ADAMTS12: variants seen among roughly 807,000 people sequenced by gnomAD.
The protein encoded by ADAMTS12 is A disintegrin and metalloproteinase with thrombospondin motifs 12.
Under a neutral mutation model 167.8 loss-of-function variants are expected in ADAMTS12, and 118 were observed. The observed-to-expected ratio is 0.70, with a 90% CI of 0.61 to 0.82. The LOEUF is 0.82. ADAMTS12 is among the 40% of genes least tolerant of loss of function. ADAMTS12 has a pLI of 0.00. For missense variants in ADAMTS12, 1,916 were observed against 1,998.8 expected, an observed-to-expected ratio of 0.96 and a Z score of 0.79; for synonymous variants, 704 against 716.9, an observed-to-expected ratio of 0.98 and a Z score of 0.29.
At chr5:33,760,327 C>T (rs1364118751) in intron 2 of ADAMTS12, among the ~76,000 whole-genome samples, 1 of 150,126 alleles carries the variant, frequency 6.7e-6, no homozygotes. Context: ...ATTCAAGGTT[C>T]ACAATGTCTG....
intron 2 of ADAMTS12, among the ~76,000 whole-genome samples, chr5:33,838,457 C>A (rs1259505951): frequency 1.3e-5 from 2 of 152,106 alleles, no homozygotes; most frequent in Non-Finnish European, 2.9e-5. Flanking sequence ...CCGAAGAAGG[C>A]AGATCACTTG....
intron 2 of ADAMTS12, among the ~76,000 whole-genome samples, chr5:33,827,710 A>AATAG (rs60023282): frequency 0.13 from 12,942 of 98,822 alleles, 605 homozygotes; most frequent in Non-Finnish European, 0.18. Context: ...GAGAAAACAA[A>AATAG]ATAGATAGAT....
chr5:33,879,560 G>C (rs1262429685), intron 2 of ADAMTS12, among the ~76,000 whole-genome samples: 1 of 152,142 alleles, frequency 6.6e-6, no homozygotes, highest in Admixed American at 6.5e-5. Flanking sequence ...TGAAGCCCCT[G>C]ATGAGGCCCA....
At chr5:33,842,439 G>A (rs2111602061) in intron 2 of ADAMTS12, among the ~76,000 whole-genome samples, 1 of 152,292 alleles carries the variant, frequency 6.6e-6, no homozygotes, top group East Asian at 1.9e-4. Context: ...AATCCTCAAG[G>A]TTGCAGCTTT....
intron 2 of ADAMTS12, among the ~76,000 whole-genome samples, chr5:33,845,991 A>C (rs1748928424): frequency 6.6e-6 from 1 of 152,018 alleles, no homozygotes; most frequent in Non-Finnish European, 1.5e-5. Flanking sequence ...TTAAGGATCC[A>C]CTCCAATGAC....
At chr5:33,677,395 C>T (rs1039273406) in intron 5 of ADAMTS12, among the ~76,000 whole-genome samples, 1 of 152,128 alleles carries the variant, frequency 6.6e-6, no homozygotes, top group African/African-American at 2.4e-5. Context: ...AATGGAGACA[C>T]AGACAAGTTA....
intron 19 of ADAMTS12, among the ~76,000 whole-genome samples, chr5:33,572,229 T>A (rs1195834597): frequency 6.6e-6 from 1 of 151,974 alleles, no homozygotes; most frequent in Admixed American, 6.6e-5. Flanking sequence ...AAAGAGGGAA[T>A]CCTCCCTAAC....
chr5:33,743,302 G>A (rs567482319), intron 3 of ADAMTS12, among the ~76,000 whole-genome samples: 5 of 152,320 alleles, frequency 3.3e-5, no homozygotes, highest in African/African-American at 4.8e-5. Context: ...AGCACTATTC[G>A]AAATGAGACT....
At chr5:33,832,971 C>T (rs984389411) in intron 2 of ADAMTS12, among the ~76,000 whole-genome samples, 14 of 152,300 alleles carry the variant, frequency 9.2e-5, no homozygotes, top group Non-Finnish European at 1.9e-4. Flanking sequence ...TCAATATCAT[C>T]TCTCTTGTTC....
intron 22 of ADAMTS12, among the ~76,000 whole-genome samples, chr5:33,544,941 T>C (rs1233076479): frequency 6.6e-6 from 1 of 152,150 alleles, no homozygotes; most frequent in Non-Finnish European, 1.5e-5. Context: ...ATTCAGGACA[T>C]AGGCATGGGC....
At chr5:33,612,430 G>A (rs76844553) in intron 16 of ADAMTS12, among the ~76,000 whole-genome samples, 3,240 of 152,322 alleles carry the variant, frequency 0.021, 47 homozygotes, top group African/African-American at 0.05. Flanking sequence ...GAAATATTGT[G>A]TGTGTGATGC....
At chr5:33,834,453 C>A (rs1375440361) in intron 2 of ADAMTS12, among the ~76,000 whole-genome samples, 1 of 152,154 alleles carries the variant, frequency 6.6e-6, no homozygotes, top group Non-Finnish European at 1.5e-5. Flanking sequence ...TTTTAGCATT[C>A]TTGAGGGTTT....
chr5:33,853,765 G>A (rs1197959775), intron 2 of ADAMTS12, among the ~76,000 whole-genome samples: 1 of 152,220 alleles, frequency 6.6e-6, no homozygotes, highest in Non-Finnish European at 1.5e-5. Flanking sequence ...TGTTTAATGG[G>A]TCAATGCTTC....
intron 3 of ADAMTS12, among the ~76,000 whole-genome samples, chr5:33,722,290 C>CT (rs1193806409): frequency 3.3e-5 from 5 of 152,224 alleles, no homozygotes; most frequent in Non-Finnish European, 7.4e-5. Context: ...GTAGTAAAAC[C>CT]TTTACTACTA....
At chr5:33,849,997 T>A (rs1749163348) in intron 2 of ADAMTS12, among the ~76,000 whole-genome samples, 1 of 152,128 alleles carries the variant, frequency 6.6e-6, no homozygotes, top group Non-Finnish European at 1.5e-5. Flanking sequence ...AAATCCTTTT[T>A]ATCTTTTAAG....
At position 33,589,039 on chromosome 5, in the gene ADAMTS12, A is replaced by T. The variant is rs559899272; in HGVS notation, c.2655-230T>A. ...CTGTTGCTAAATACGCATGTTTTTG[A>T]ATGAGAAAAAAATATATATGCATGC... On this transcript the variant is annotated intron_variant, in intron 17 of 23. Coordinates refer to ENST00000504830, the MANE Select transcript of ADAMTS12 (RefSeq NM_030955.4). 3.3e-5 allele frequency among the ~76,000 whole-genome samples: 5 copies of T among 152,364 alleles called. No homozygotes were observed. In the South Asian group the frequency reaches 1.0e-3, roughly 32 times the overall value.
At position 33,624,280 on chromosome 5, in the gene ADAMTS12, G is replaced by C. The variant is rs377276729; in HGVS notation, c.2094C>G (p.Gly698=). The change falls in exon 14 of 24, where the codon GGC becomes GGG. Residue 698 remains glycine, a synonymous_variant. Transcript: ENST00000504830. ...EDRCGVCLGD[G]SSCQTVRKMF... ...TCTTTCTCACAGTCTGGCAGGAAGA[G>C]CCATCTCCCAGGCACACACCGCAGC... 1.2e-6 allele frequency: 2 copies of C among 1,613,932 alleles called. No individual in the cohort carries two copies. Among genetic ancestry groups the C allele is most frequent in the African/African-American group, 2.7e-5 (2 of 74,906 alleles).
Position 33,751,498 on chromosome 5 carries a change from C to A in ADAMTS12, c.540G>T (p.Lys180Asn), listed in dbSNP as rs146144250. The change falls in exon 3 of 24, where the codon AAG (lysine) becomes AAT (asparagine). Residue 180 changes from lysine (K) to asparagine (N), a missense_variant. Transcript: ENST00000504830. ...PHGDFFIEPVKKHPLVEGGYH... is the reference protein window; with the variant it reads ...PHGDFFIEPVNKHPLVEGGYH... ...ACCCTCCCTCAACCAGTGGATGCTT[C>A]TTCACGGGTTCAATGAAAAAGTCTC... The A allele has an allele frequency of 6.2e-7, 1 of 1,613,996 alleles. No individual in the cohort carries two copies. Among genetic ancestry groups the A allele is most frequent in the African/African-American group, 1.3e-5 (1 of 74,914 alleles).
chr5:33,672,699 C>G (rs114922992), intron 5 of ADAMTS12, among the ~76,000 whole-genome samples: 1 of 152,262 alleles, frequency 6.6e-6, no homozygotes, highest in South Asian at 2.1e-4. Context: ...GTCCAGTCTC[C>G]CACATTCCTG....
Sources: allele counts gnomAD v4.1 joint callset (sites outside exome capture counted in the v4.1 genomes callset), GRCh38; gene constraint gnomAD v4.1.1; transcripts MANE v1.5; gene names NCBI Gene and HGNC (gene_info 2026-07-23, HGNC 2026-07-21).